The following MAD1L1 variants were observed in gnomAD, a reference collection of about 807,000 sequenced individuals.
The protein encoded by MAD1L1 is mitotic spindle assembly checkpoint protein MAD1.
MAD1L1 carries 95 observed loss-of-function variants against 96.9 expected under a neutral mutation model. That is an observed-to-expected ratio of 0.98 (90% confidence interval 0.83 to 1.16). The LOEUF (loss-of-function observed/expected upper bound fraction) is 1.16, where lower values mean the gene tolerates loss of function less well. Among genes scored for constraint, MAD1L1 ranks in the 50% most tolerant of loss-of-function variants. The pLI is 0.00. For missense variants in MAD1L1, 1,007 were observed against 954.4 expected, an observed-to-expected ratio of 1.06 and a Z score of -0.73; for synonymous variants, 473 against 396.6, an observed-to-expected ratio of 1.19 and a Z score of -2.29.
intron 10 of MAD1L1, among the ~76,000 whole-genome samples, chr7:2,192,095 G>A (rs1420549215): frequency 1.3e-5 from 2 of 151,632 alleles, no homozygotes; most frequent in African/African-American, 4.8e-5. Context: ...CAGGGTGGAG[G>A]TAGCACGTTA....
Position 1,898,319 on chromosome 7 carries a change from G to A in MAD1L1, c.1879C>T (p.Gln627Ter), listed in dbSNP as rs1022543660. 2 of 1,613,948 alleles carry A rather than the reference G, an allele frequency of 1.2e-6. No individual in the cohort carries two copies. The highest frequency in any genetic ancestry group is 1.7e-6 in the Non-Finnish European group (2 of 1,179,996). Residue 627 changes from glutamine (Q) to a stop codon, truncating the protein, a stop_gained, in exon 18 of 19, where the codon CAG (glutamine) becomes TAG (stop). Transcript: ENST00000265854. LOFTEE classifies it high-confidence loss of function. The part of the protein sequence containing the change: ...RLKEVFQTKI[Q>*]EFRKACYTLT... Reference sequence around the variant, plus strand: ...GTGTAGCAGGCCTTGCGGAACTCCTGGATCTTGGTCTGGAAAACCTCCTTG... The same window carrying A: ...GTGTAGCAGGCCTTGCGGAACTCCTAGATCTTGGTCTGGAAAACCTCCTTG...
chr7:1,987,363 C>T (rs960762008), intron 14 of MAD1L1, among the ~76,000 whole-genome samples: 14 of 152,210 alleles, frequency 9.2e-5, no homozygotes, highest in African/African-American at 3.4e-4. Context: ...TGGGCACAGA[C>T]GCGGCAATGG....
intron 16 of MAD1L1, among the ~76,000 whole-genome samples, chr7:1,956,949 C>T (rs1205778977): frequency 1.3e-5 from 2 of 152,338 alleles, no homozygotes; most frequent in Middle Eastern, 3.4e-3. Context: ...AACGTGGGCA[C>T]CAAGGAGCAG....
At chr7:1,941,086 G>A (rs577882618) in intron 16 of MAD1L1, among the ~76,000 whole-genome samples, 5 of 109,134 alleles carry the variant, frequency 4.6e-5, no homozygotes, top group African/African-American at 1.8e-4. Flanking sequence ...CCTAGAGGCT[G>A]CCCAGCAAGG....
intron 11 of MAD1L1, among the ~76,000 whole-genome samples, chr7:2,137,914 C>T (rs1273627702): frequency 3.9e-5 from 6 of 152,228 alleles, no homozygotes; most frequent in South Asian, 2.1e-4. Context: ...GCTCACAGAG[C>T]GTTTCTGTGC....
At chr7:1,865,086 A>G (rs1784716346) in intron 18 of MAD1L1, among the ~76,000 whole-genome samples, 1 of 152,098 alleles carries the variant, frequency 6.6e-6, no homozygotes, top group African/African-American at 2.4e-5. Context: ...TTCCGGGAGC[A>G]TCCCTGTCCC....
chr7:2,189,757 T>C lies in MAD1L1; in HGVS notation c.986+23455A>G, dbSNP rs1036006680. On this transcript the variant is annotated intron_variant, in intron 10 of 18. Coordinates refer to ENST00000265854, the MANE Select transcript of MAD1L1 (RefSeq NM_001013836.2). ...GCAATATGAATGTTCTTAAAGCTACTGAACTGTACACTTAAAAACAGTTAA... is the reference window on the plus strand; with the variant it reads ...GCAATATGAATGTTCTTAAAGCTACCGAACTGTACACTTAAAAACAGTTAA... Among the ~76,000 whole-genome samples, 3 of 152,360 alleles carry C rather than the reference T, an allele frequency of 2.0e-5. No individual in the cohort carries two copies. In the South Asian group the frequency reaches 6.2e-4, roughly 32 times the overall value.
At chr7:1,912,903 G>A (rs1421170864) in intron 17 of MAD1L1, among the ~76,000 whole-genome samples, 1 of 150,664 alleles carries the variant, frequency 6.6e-6, no homozygotes, top group Non-Finnish European at 1.5e-5. Flanking sequence ...TGGGAGACGT[G>A]GGGGCGGGGC....
At chr7:2,061,694 C>T (rs748481911) in intron 12 of MAD1L1, among the ~76,000 whole-genome samples, 1 of 152,252 alleles carries the variant, frequency 6.6e-6, no homozygotes, top group African/African-American at 2.4e-5. Flanking sequence ...GATCACCAAA[C>T]GTCATACACG....
At chr7:2,196,342 C>T (rs943124002) in intron 10 of MAD1L1, among the ~76,000 whole-genome samples, 1 of 152,236 alleles carries the variant, frequency 6.6e-6, no homozygotes, top group Non-Finnish European at 1.5e-5. Context: ...TCTAGAAACT[C>T]TTGTAAGCCA....
chr7:2,126,906 A>G (rs1788259151), intron 11 of MAD1L1, among the ~76,000 whole-genome samples: 1 of 152,228 alleles, frequency 6.6e-6, no homozygotes, highest in Non-Finnish European at 1.5e-5. Context: ...TCAGCTGATC[A>G]GCAATGCTTC....
intron 18 of MAD1L1, chr7:1,839,016 C>T (rs1783087509): frequency 1.6e-5 from 6 of 368,668 alleles, no homozygotes; most frequent in Non-Finnish European, 3.4e-5. Flanking sequence ...CCTGCCAGTC[C>T]CAGCTCATAT....
intron 10 of MAD1L1, among the ~76,000 whole-genome samples, chr7:2,151,339 G>A (rs1230453164): frequency 3.3e-5 from 5 of 152,242 alleles, no homozygotes; most frequent in Admixed American, 3.3e-4. Context: ...GGTGGTCACA[G>A]GCGGCAGGCT....
At chr7:2,213,167 C>T in intron 10 of MAD1L1, 45 bp downstream of exon 10, 3 of 1,600,466 alleles carry the variant, frequency 1.9e-6, no homozygotes, top group South Asian at 2.2e-5. Context: ...TCACCCAGGA[C>T]CCTTCAAAGA....
intron 12 of MAD1L1, 22 bp downstream of exon 12, chr7:2,069,172 A>G (rs2128529143): frequency 6.4e-7 from 1 of 1,552,154 alleles, no homozygotes; most frequent in East Asian, 2.4e-5. Flanking sequence ...GACTCTGATC[A>G]AGATGTAAGG....
intron 12 of MAD1L1, among the ~76,000 whole-genome samples, chr7:2,067,543 CT>C (rs1332555779): frequency 3.3e-5 from 5 of 152,326 alleles, no homozygotes; most frequent in Non-Finnish European, 7.3e-5. Flanking sequence ...CTTCCCGGGC[CT>C]CTCCTCGGCG....
chr7:2,024,216 T>G (rs1782903730), intron 12 of MAD1L1, among the ~76,000 whole-genome samples: 1 of 152,034 alleles, frequency 6.6e-6, no homozygotes, highest in Non-Finnish European at 1.5e-5. Context: ...AAAGAAACAT[T>G]ATGAGCAACT....
intron 17 of MAD1L1, among the ~76,000 whole-genome samples, chr7:1,912,136 T>TGGCAGGGGTCCAGATGGC (rs910297042): frequency 6.6e-6 from 1 of 152,046 alleles, no homozygotes; most frequent in South Asian, 2.1e-4. Flanking sequence ...GAAACTGGGG[T>TGGCAGGGGTCCAGATGGC]GGCAGGGGTC....
chr7:2,193,172 C>G (rs987779466), intron 10 of MAD1L1: 1 of 152,428 alleles, frequency 6.6e-6, no homozygotes, highest in African/African-American at 2.4e-5. Context: ...AGAACAGGGA[C>G]TCACACGCCC....
Sources: gnomAD v4.1 joint callset for allele counts (sites outside exome capture counted in the v4.1 genomes callset) on GRCh38, gnomAD v4.1.1 for gene constraint, MANE v1.5 for transcripts, NCBI Gene and HGNC (gene_info 2026-07-23, HGNC 2026-07-21) for gene names.